The following TMEM178B variants were observed in gnomAD, a reference collection of about 807,000 sequenced individuals.
TMEM178B encodes the protein transmembrane protein 178B.
Under a neutral mutation model 31.0 loss-of-function variants are expected in TMEM178B, and 5 were observed. The ratio of observed to expected loss-of-function variants is 0.16; its 90% CI spans 0.08 to 0.34. TMEM178B has a LOEUF of 0.34. Ranked by LOEUF, TMEM178B falls within the 10% of genes least tolerant of loss-of-function variation. The pLI is 1.00. For missense variants in TMEM178B, 275 were observed against 400.3 expected, an observed-to-expected ratio of 0.69 and a Z score of 2.67; for synonymous variants, 164 against 164.0, an observed-to-expected ratio of 1.00 and a Z score of 0.00.
chr7:141,147,674 C>T lies in TMEM178B; in HGVS notation c.383-64917C>T, dbSNP rs530834338. Among the ~76,000 whole-genome samples the T allele has an allele frequency of 6.6e-4, 101 of 152,226 alleles. 2 individuals are homozygous for T. The highest frequency in any genetic ancestry group is 1.0e-3 in the Non-Finnish European group (70 of 68,012). ...GAAAGGAAGTCCCTAAGGAGCCCCA[C>T]GTGGGAGAATGGGCACACCACGCTG... On this transcript the variant is annotated intron_variant, in intron 1 of 3. Coordinates refer to ENST00000565468, the MANE Select transcript of TMEM178B (RefSeq NM_001195278.2).
chr7:141,188,532 A>G (rs1055848710), intron 1 of TMEM178B, among the ~76,000 whole-genome samples: 5 of 152,248 alleles, frequency 3.3e-5, no homozygotes, highest in Non-Finnish European at 7.3e-5. Flanking sequence ...CCAGTTATAC[A>G]CAATGAGCAA....
intron 2 of TMEM178B, among the ~76,000 whole-genome samples, chr7:141,271,367 G>A (rs1482700320): frequency 6.6e-6 from 1 of 152,210 alleles, no homozygotes; most frequent in Admixed American, 6.5e-5. Flanking sequence ...CCATCCCCAA[G>A]TATTTCCCTG....
the TMEM178B span, among the ~76,000 whole-genome samples, chr7:141,498,325 C>T: frequency 2.6e-5 from 4 of 152,226 alleles, no homozygotes; most frequent in Non-Finnish European, 5.9e-5. Flanking sequence ...TGGTTTGGCA[C>T]CGTCTTCTCA....
chr7:141,438,131 G>C (rs1218076715), intron 3 of TMEM178B, among the ~76,000 whole-genome samples: 1 of 152,116 alleles, frequency 6.6e-6, no homozygotes, highest in African/African-American at 2.4e-5. Context: ...TGGGAAGCTG[G>C]AAGCAGGTGC....
rs143740391 is a variant in TMEM178B, at chr7:141,467,815, CA to C, written c.635-2720del. Among the ~76,000 whole-genome samples, 312 of 152,142 alleles carry C rather than the reference CA, an allele frequency of 2.1e-3. 5 individuals carry two copies. The highest frequency in any genetic ancestry group is 7.0e-3 in the African/African-American group (292 of 41,522). ...ATGTCCATACCTAAATATTTGTCCCCAGGTGGGATTATTTTCTTAAAGTGAA... is the reference window on the plus strand; with the variant it reads ...ATGTCCATACCTAAATATTTGTCCCCGGTGGGATTATTTTCTTAAAGTGAA... On this transcript the variant is annotated intron_variant, in intron 3 of 3. Transcript: ENST00000565468.
chr7:141,463,013 CG>C (rs1297014080), intron 3 of TMEM178B, among the ~76,000 whole-genome samples: 1 of 152,110 alleles, frequency 6.6e-6, no homozygotes, highest in Non-Finnish European at 1.5e-5. Context: ...TGTTTACAGA[CG>C]GGGACACTGG....
intron 2 of TMEM178B, among the ~76,000 whole-genome samples, chr7:141,261,833 A>G (rs1276529853): frequency 6.6e-6 from 1 of 152,154 alleles, no homozygotes; most frequent in East Asian, 1.9e-4. Flanking sequence ...ATCTACCAAC[A>G]AACAGTAAGG....
intron 2 of TMEM178B, among the ~76,000 whole-genome samples, chr7:141,433,483 T>G (rs778509159): frequency 3.3e-5 from 5 of 152,250 alleles, no homozygotes; most frequent in Non-Finnish European, 5.9e-5. Flanking sequence ...CCCTGTCTCC[T>G]TTTCTATTTT....
chr7:141,250,063 A>G (rs1266817359), intron 2 of TMEM178B, among the ~76,000 whole-genome samples: 1 of 152,234 alleles, frequency 6.6e-6, no homozygotes, highest in South Asian at 2.1e-4. Flanking sequence ...ACTATTGGTA[A>G]TAATAAAAAT....
At chr7:141,162,184 G>A (rs555035266) in intron 1 of TMEM178B, among the ~76,000 whole-genome samples, 2 of 152,350 alleles carry the variant, frequency 1.3e-5, no homozygotes, top group Admixed American at 6.5e-5. Flanking sequence ...AGCCATCTCT[G>A]ATTTGGAGGC....
chr7:141,265,167 G>C (rs1324641399), intron 2 of TMEM178B, among the ~76,000 whole-genome samples: 1 of 152,182 alleles, frequency 6.6e-6, no homozygotes, highest in Non-Finnish European at 1.5e-5. Context: ...GGGCTTCGCA[G>C]GTAGAGATAA....
intron 2 of TMEM178B, among the ~76,000 whole-genome samples, chr7:141,319,675 T>G (rs1216839029): frequency 6.6e-6 from 1 of 152,162 alleles, no homozygotes; most frequent in Non-Finnish European, 1.5e-5. Context: ...AGTAGCTGGA[T>G]TATAGGCATG....
At chr7:141,247,648 G>A (rs925881997) in intron 2 of TMEM178B, among the ~76,000 whole-genome samples, 1 of 152,218 alleles carries the variant, frequency 6.6e-6, no homozygotes, top group Non-Finnish European at 1.5e-5. Context: ...GGATGCAGAG[G>A]AAGAAGAATG....
the TMEM178B span, among the ~76,000 whole-genome samples, chr7:141,497,013 C>T: frequency 0.057 from 8,691 of 152,046 alleles, 776 homozygotes; most frequent in African/African-American, 0.19. Flanking sequence ...GTAGAGGCTA[C>T]GAGATTGCTG....
intron 2 of TMEM178B, among the ~76,000 whole-genome samples, chr7:141,337,185 GCACCACCACCATCAC>G (rs1799431604): frequency 3.4e-4 from 3 of 8,876 alleles, no homozygotes; most frequent in African/African-American, 1.6e-3. Flanking sequence ...ACCACCACCA[GCACCACCACCATCAC>G]CACCACCACC....
intron 2 of TMEM178B, among the ~76,000 whole-genome samples, chr7:141,383,645 T>A (rs1194448968): frequency 6.6e-6 from 1 of 152,164 alleles, no homozygotes; most frequent in African/African-American, 2.4e-5. Flanking sequence ...TGGTTCCAAG[T>A]CTTTGCTATT....
chr7:141,197,884 C>T (rs1401869809), intron 1 of TMEM178B, among the ~76,000 whole-genome samples: 1 of 152,186 alleles, frequency 6.6e-6, no homozygotes, highest in African/African-American at 2.4e-5. Context: ...CCACCAACCT[C>T]GGCCTCCCAC....
intron 2 of TMEM178B, among the ~76,000 whole-genome samples, chr7:141,402,192 A>G (rs1800793940): frequency 1.3e-5 from 2 of 152,232 alleles, no homozygotes; most frequent in South Asian, 4.1e-4. Context: ...GGAGCCGCAC[A>G]GGCAATGGAC....
chr7:141,291,926 ATTTTT>A (rs11306682), intron 2 of TMEM178B, among the ~76,000 whole-genome samples: 4 of 138,120 alleles, frequency 2.9e-5, no homozygotes, highest in East Asian at 4.2e-4. Flanking sequence ...CATAGAGATC[ATTTTT>A]TTTTTTTTTT....
Sources: gnomAD v4.1 joint callset for allele counts (sites outside exome capture counted in the v4.1 genomes callset) on GRCh38, gnomAD v4.1.1 for gene constraint, MANE v1.5 for transcripts, NCBI Gene and HGNC (gene_info 2026-07-23, HGNC 2026-07-21) for gene names.